TNR: variants seen among roughly 807,000 people sequenced by gnomAD.
TNR encodes the protein tenascin R, also known as tenascin-R.
Under a neutral mutation model 150.4 loss-of-function variants are expected in TNR, and 45 were observed. That is an observed-to-expected ratio of 0.30 (90% confidence interval 0.24 to 0.38). TNR has a LOEUF of 0.38. TNR is among the 10% of genes least tolerant of loss of function. The pLI, the probability that TNR is intolerant of heterozygous loss-of-function variation, is 1.00. For missense variants in TNR, 1,544 were observed against 1,759.1 expected, an observed-to-expected ratio of 0.88 and a Z score of 2.19; for synonymous variants, 687 against 678.4, an observed-to-expected ratio of 1.01 and a Z score of -0.20.
intron 1 of TNR, among the ~76,000 whole-genome samples, chr1:175,717,547 G>A (rs1253561370): frequency 6.6e-6 from 1 of 152,164 alleles, no homozygotes; most frequent in Non-Finnish European, 1.5e-5. Flanking sequence ...TAATAAGTGG[G>A]TGTTGAATAA....
At chr1:175,351,506 G>A (rs938540592) in intron 18 of TNR, among the ~76,000 whole-genome samples, 4 of 152,104 alleles carry the variant, frequency 2.6e-5, no homozygotes, top group African/African-American at 7.2e-5. Flanking sequence ...ATTAAAAATC[G>A]CCTTAGGCTT....
intron 4 of TNR, among the ~76,000 whole-genome samples, chr1:175,397,209 A>G (rs1009432658): frequency 8.5e-5 from 13 of 152,256 alleles, no homozygotes; most frequent in African/African-American, 3.1e-4. Flanking sequence ...ACATTTTACT[A>G]TTATGTGTAC....
At chr1:175,353,522 C>G (rs1651164044) in intron 18 of TNR, among the ~76,000 whole-genome samples, 1 of 152,146 alleles carries the variant, frequency 6.6e-6, no homozygotes, top group Non-Finnish European at 1.5e-5. Context: ...AGTAGAAGAC[C>G]TGGGTTCAAG....
Position 175,442,683 on chromosome 1 carries a change from C to T in TNR, c.-63-35906G>A, listed in dbSNP as rs859464. Reference sequence around the variant, plus strand: ...GCTTCAGCCATTAGCTCTTCTCTTTCCAAGCATTAAAGTATAATAAATAGG... The same window carrying T: ...GCTTCAGCCATTAGCTCTTCTCTTTTCAAGCATTAAAGTATAATAAATAGG... On this transcript the variant is annotated intron_variant, in intron 2 of 22. Transcript: ENST00000367674. Among the ~76,000 whole-genome samples, 416 of 151,838 alleles carry T rather than the reference C, an allele frequency of 2.7e-3. 16 individuals carry two copies. Among genetic ancestry groups the T allele is most frequent in the African/African-American group, 9.5e-3 (390 of 41,102 alleles).
chr1:175,384,113 C>T (rs997922315), intron 8 of TNR, among the ~76,000 whole-genome samples: 1 of 152,242 alleles, frequency 6.6e-6, no homozygotes, highest in Non-Finnish European at 1.5e-5. Context: ...AAGAGCTCTC[C>T]TCTCCTTTTT....
chr1:175,359,870 C>G (rs1335529881), intron 14 of TNR, 139 bp from the exon 15 acceptor site: 1 of 1,109,354 alleles, frequency 9.0e-7, no homozygotes, highest in Non-Finnish European at 1.2e-6. Flanking sequence ...AAACCTCTTC[C>G]CTTTCTCCTC....
intron 2 of TNR, among the ~76,000 whole-genome samples, chr1:175,437,693 G>T (rs1407281926): frequency 2.6e-5 from 4 of 152,188 alleles, no homozygotes; most frequent in African/African-American, 9.6e-5. Flanking sequence ...TGATAAAGAG[G>T]ATATCACCAC....
At chr1:175,450,604 C>T (rs191201563) in intron 2 of TNR, among the ~76,000 whole-genome samples, 2 of 152,320 alleles carry the variant, frequency 1.3e-5, no homozygotes, top group Non-Finnish European at 2.9e-5. Context: ...CAGTGAGCTC[C>T]GAGAGAACAA....
At chr1:175,565,294 A>G (rs1661596392) in intron 1 of TNR, among the ~76,000 whole-genome samples, 1 of 152,168 alleles carries the variant, frequency 6.6e-6, no homozygotes, top group Non-Finnish European at 1.5e-5. Context: ...TTCCACTCCC[A>G]TCCCCACCAG....
At position 175,547,902 on chromosome 1, in the gene TNR, G is replaced by A. The variant is rs373313429; in HGVS notation, c.-164-19533C>T. Among the ~76,000 whole-genome samples the A allele has an allele frequency of 4.6e-5, 7 of 152,214 alleles. No individual in the cohort carries two copies. The East Asian group carries it at 7.7e-4, about 17-fold the overall frequency. ...ATGCAATGCTCAGAAATTTGGCCTC[G>A]GACTTGGCTCTGTCAACAATTAAAG... is the stretch of plus-strand genomic sequence containing the variant. On this transcript the variant is annotated intron_variant, in intron 1 of 22. Coordinates refer to ENST00000367674, the MANE Select transcript of TNR (RefSeq NM_003285.3).
chr1:175,539,539 C>A (rs58949039), intron 1 of TNR, among the ~76,000 whole-genome samples: 1 of 152,194 alleles, frequency 6.6e-6, no homozygotes, highest in Admixed American at 6.5e-5. Context: ...AACAGTTGCA[C>A]TGAGACCTGC....
At chr1:175,388,206 ATCT>A (rs547059940) in intron 7 of TNR, among the ~76,000 whole-genome samples, 3 of 152,262 alleles carry the variant, frequency 2.0e-5, no homozygotes, top group Non-Finnish European at 2.9e-5. Context: ...TGAATGGAAA[ATCT>A]TCTTTATCCA....
At chr1:175,386,521 C>T (rs1652940666) in intron 7 of TNR, among the ~76,000 whole-genome samples, 1 of 152,150 alleles carries the variant, frequency 6.6e-6, no homozygotes, top group South Asian at 2.1e-4. Flanking sequence ...TCTAACTGCT[C>T]TTTTACCAGG....
rs1286584119 is a variant in TNR, at chr1:175,319,138, G to C, written c.*4219C>G. The C allele has an allele frequency of 1.3e-5, 2 of 152,096 alleles. No homozygotes were observed. Among genetic ancestry groups the C allele is most frequent in the Non-Finnish European group, 2.9e-5 (2 of 68,028 alleles). 9.4% of individuals were successfully genotyped at this position (152,096 alleles called of 1,614,324 possible). ...CAAGCAGTAGAATACCATATATCCT[G>C]GGCATGTGGCCCCACCTTTCCTGAA... On this transcript the variant is annotated 3_prime_UTR_variant, in exon 23 of 23. Transcript: ENST00000367674.
chr1:175,523,881 TCAATA>T (rs1312999069), intron 2 of TNR, among the ~76,000 whole-genome samples: 1 of 152,216 alleles, frequency 6.6e-6, no homozygotes, highest in Non-Finnish European at 1.5e-5. Flanking sequence ...CTGTGAAGCC[TCAATA>T]CTCCTTGCCT....
chr1:175,709,292 T>C (rs1002836976), intron 1 of TNR, among the ~76,000 whole-genome samples: 13 of 133,756 alleles, frequency 9.7e-5, no homozygotes, highest in Non-Finnish European at 1.4e-4. Flanking sequence ...CTCCCTTGCT[T>C]TCACACACAC....
intron 21 of TNR, among the ~76,000 whole-genome samples, chr1:175,327,115 T>A (rs1045392244): frequency 2.0e-5 from 3 of 152,134 alleles, no homozygotes; most frequent in Admixed American, 6.5e-5. Context: ...CCACATCCTA[T>A]CTTCTCACTC....
intron 9 of TNR, among the ~76,000 whole-genome samples, chr1:175,378,239 T>A (rs775862428): frequency 2.0e-5 from 3 of 152,232 alleles, no homozygotes; most frequent in Non-Finnish European, 2.9e-5. Flanking sequence ...AAGGCATGAC[T>A]CGGCTCTCAT....
At chr1:175,481,416 A>C (rs1214992733) in intron 2 of TNR, among the ~76,000 whole-genome samples, 1 of 152,152 alleles carries the variant, frequency 6.6e-6, no homozygotes, top group African/African-American at 2.4e-5. Context: ...TAAGATTCTG[A>C]GATGAGTTCC....
Sources: allele counts gnomAD v4.1 joint callset (sites outside exome capture counted in the v4.1 genomes callset), GRCh38; gene constraint gnomAD v4.1.1; transcripts MANE v1.5; gene names NCBI Gene and HGNC (gene_info 2026-07-23, HGNC 2026-07-21).